LRP1B: variants seen among roughly 807,000 people sequenced by gnomAD.
The protein encoded by LRP1B is LDL receptor related protein 1B.
Under a neutral mutation model 556.6 loss-of-function variants are expected in LRP1B, and 217 were observed. The ratio of observed to expected loss-of-function variants is 0.39; its 90% CI spans 0.35 to 0.44. The LOEUF (loss-of-function observed/expected upper bound fraction) is 0.44. LRP1B is among the 20% of genes least tolerant of loss of function. The pLI is 1.00. For missense variants in LRP1B, 5,053 were observed against 5,620.8 expected (o/e 0.90, Z 3.23); for synonymous variants, 2,047 against 1,865.8 (o/e 1.10, Z -2.50).
At chr2:142,121,991 A>C (rs1423630149) in intron 1 of LRP1B, among the ~76,000 whole-genome samples, 1 of 152,176 alleles carries the variant, frequency 6.6e-6, no homozygotes, top group African/African-American at 2.4e-5. Flanking sequence ...TAATATAATT[A>C]ATAAAATAAT....
intron 1 of LRP1B, among the ~76,000 whole-genome samples, chr2:141,917,243 A>G (rs1185665198): frequency 3.9e-5 from 6 of 152,202 alleles, no homozygotes; most frequent in Non-Finnish European, 8.8e-5. Context: ...AAATAGGGTA[A>G]AGTGATGAAA....
At chr2:141,106,287 A>G (rs1010617252) in intron 7 of LRP1B, among the ~76,000 whole-genome samples, 1 of 152,166 alleles carries the variant, frequency 6.6e-6, no homozygotes, top group African/African-American at 2.4e-5. Context: ...GATAGAAAAT[A>G]TTTCACTTTC....
At chr2:140,884,229 T>C (rs1169945623) in intron 24 of LRP1B, among the ~76,000 whole-genome samples, 1 of 152,176 alleles carries the variant, frequency 6.6e-6, no homozygotes, top group Non-Finnish European at 1.5e-5. Flanking sequence ...ATCTTTAATC[T>C]AGTAAATCCT....
chr2:141,358,209 A>G (rs1202413764), intron 3 of LRP1B, among the ~76,000 whole-genome samples: 2 of 152,340 alleles, frequency 1.3e-5, no homozygotes, highest in African/African-American at 4.8e-5. Flanking sequence ...ACAGAGAATT[A>G]CTTTCAAAGA....
intron 1 of LRP1B, among the ~76,000 whole-genome samples, chr2:142,113,523 G>A (rs1388202271): frequency 3.4e-5 from 5 of 148,534 alleles, no homozygotes; most frequent in African/African-American, 1.2e-4. Flanking sequence ...TTAGGAGAAA[G>A]TGGAAATGAT....
chr2:141,772,726 A>G (rs2105619206), intron 2 of LRP1B, among the ~76,000 whole-genome samples: 1 of 152,318 alleles, frequency 6.6e-6, no homozygotes, highest in East Asian at 1.9e-4. Context: ...TGGGGTTCAG[A>G]GCAGAGTGAT....
At chr2:141,036,079 C>G (rs182801701) in intron 11 of LRP1B, among the ~76,000 whole-genome samples, 2 of 151,944 alleles carry the variant, frequency 1.3e-5, no homozygotes, top group Non-Finnish European at 2.9e-5. Flanking sequence ...TACAAGATCA[C>G]AAATTTACTT....
At chr2:140,838,849 G>A (rs1160492577) in intron 31 of LRP1B, among the ~76,000 whole-genome samples, 1 of 152,050 alleles carries the variant, frequency 6.6e-6, no homozygotes, top group Non-Finnish European at 1.5e-5. Flanking sequence ...AAGTGATTAA[G>A]GTTCGAAACA....
At chr2:142,101,701 A>G (rs1559071436) in intron 1 of LRP1B, among the ~76,000 whole-genome samples, 1 of 152,018 alleles carries the variant, frequency 6.6e-6, no homozygotes, top group Non-Finnish European at 1.5e-5. Context: ...AAACTTTGAA[A>G]GTCAAAACCA....
At chr2:141,128,612 T>C (rs1701273837) in intron 7 of LRP1B, among the ~76,000 whole-genome samples, 1 of 152,182 alleles carries the variant, frequency 6.6e-6, no homozygotes. Flanking sequence ...TACCTTAACA[T>C]AATGAAGTTT....
intron 2 of LRP1B, among the ~76,000 whole-genome samples, chr2:141,648,875 G>A (rs1196182000): frequency 6.6e-6 from 1 of 152,208 alleles, no homozygotes; most frequent in Non-Finnish European, 1.5e-5. Context: ...CTGAATTGAA[G>A]TCAGGGACTG....
chr2:141,402,527 T>TA (rs879440612), intron 3 of LRP1B, among the ~76,000 whole-genome samples: 195 of 151,394 alleles, frequency 1.3e-3, no homozygotes, highest in Admixed American at 3.6e-3. Flanking sequence ...GTGTTTGAGG[T>TA]AAAAAAAAAT....
chr2:141,916,403 C>T (rs1178894500), intron 1 of LRP1B, among the ~76,000 whole-genome samples: 1 of 142,340 alleles, frequency 7.0e-6, no homozygotes, highest in African/African-American at 2.6e-5. Flanking sequence ...CTCGCTCTGT[C>T]CCCCAGGCTG....
intron 83 of LRP1B, among the ~76,000 whole-genome samples, chr2:140,307,182 A>G (rs189699967): frequency 7.2e-5 from 11 of 152,084 alleles, no homozygotes; most frequent in African/African-American, 1.9e-4. Flanking sequence ...AACTTGGAAT[A>G]AAGTCACGTT....
At chr2:141,084,833 T>C (rs971973199) in intron 7 of LRP1B, among the ~76,000 whole-genome samples, 9 of 152,170 alleles carry the variant, frequency 5.9e-5, no homozygotes, top group African/African-American at 2.2e-4. Flanking sequence ...GTATTTTTAG[T>C]AGAGACGGGG....
chr2:141,671,378 G>C (rs1468861000), intron 2 of LRP1B, among the ~76,000 whole-genome samples: 2 of 152,148 alleles, frequency 1.3e-5, no homozygotes, highest in African/African-American at 4.8e-5. Context: ...AGGGAGTGAA[G>C]GAGGCAAAGT....
chr2:141,609,567 CTTATA>C (rs1429464444), intron 2 of LRP1B, among the ~76,000 whole-genome samples: 1 of 152,076 alleles, frequency 6.6e-6, no homozygotes, highest in Non-Finnish European at 1.5e-5. Context: ...TAATTGTATG[CTTATA>C]TTATTTCTTT....
intron 18 of LRP1B, among the ~76,000 whole-genome samples, chr2:140,970,388 A>T (rs550297317): frequency 3.3e-5 from 5 of 151,980 alleles, no homozygotes; most frequent in African/African-American, 1.2e-4. Flanking sequence ...TCATTTCAGG[A>T]CTTCTCTACA....
At chr2:141,053,847 T>TGTGTGA (rs1403062140) in intron 10 of LRP1B, among the ~76,000 whole-genome samples, 1 of 150,936 alleles carries the variant, frequency 6.6e-6, no homozygotes, top group Admixed American at 6.6e-5. Context: ...TGTGTGTGTG[T>TGTGTGA]GATTATATTT....
Sources: gnomAD v4.1 joint callset for allele counts (sites outside exome capture counted in the v4.1 genomes callset) on GRCh38, gnomAD v4.1.1 for gene constraint, MANE v1.5 for transcripts, NCBI Gene and HGNC (gene_info 2026-07-23, HGNC 2026-07-21) for gene names.